The following CCDC88B variants were observed in gnomAD, a reference collection of about 807,000 sequenced individuals.
CCDC88B encodes the protein coiled-coil and HOOK domain protein 88B.
A neutral mutation model predicts 183.7 loss-of-function variants in CCDC88B; 138 were observed. The observed-to-expected ratio is 0.75, with a 90% CI of 0.65 to 0.87. The LOEUF (loss-of-function observed/expected upper bound fraction) is 0.87, where lower values mean the gene tolerates loss of function less well. CCDC88B is among the 40% of genes least tolerant of loss of function. CCDC88B has a pLI of 0.00. For missense variants in CCDC88B, 1,822 were observed against 1,965.6 expected (o/e 0.93, Z 1.38); for synonymous variants, 835 against 867.5 (o/e 0.96, Z 0.66).
In CCDC88B at chr11:64,357,285, A is replaced by G. The variant is rs1472772535; in HGVS notation, c.*191A>G. 1.1e-5 allele frequency: 8 copies of G among 755,052 alleles called. No individual in the cohort carries two copies. Among genetic ancestry groups the G allele is most frequent in the Non-Finnish European group, 1.9e-5 (8 of 418,838 alleles). 46.8% of individuals were successfully genotyped at this position (755,052 alleles called of 1,614,324 possible). Reference sequence around the variant, plus strand: ...ATGGAGCTGGGACGAGTGTGTGGACAGGGGGGATGGCTGGCCCCCACGAGC... The same window carrying G: ...ATGGAGCTGGGACGAGTGTGTGGACGGGGGGGATGGCTGGCCCCCACGAGC... On this transcript the variant is annotated 3_prime_UTR_variant, in exon 27 of 27. Transcript: ENST00000356786.
At chr11:64,353,920 A>G (rs2036440973) in intron 23 of CCDC88B, 84 bp from the exon 24 acceptor site, 16 of 1,571,064 alleles carry the variant, frequency 1.0e-5, no homozygotes, top group Non-Finnish European at 1.3e-5. Context: ...ATGAAGGTCA[A>G]CCTGGCCTTT....
chr11:64,353,155 C>T lies in CCDC88B; in HGVS notation c.3602C>T (p.Ala1201Val). Residue 1201 changes from alanine to valine, a missense_variant, in exon 21 of 27, where the codon GCA becomes GTA. By Grantham distance (64) the Ala-to-Val change is moderately conservative. Transcript: ENST00000356786. The part of the protein sequence containing the change: ...GRLARLELER[A>V]QLEMQSQQLR... ...CTGGCGCGGCTGGAGCTGGAGCGGG[C>T]ACAGCTGGAGATGCAGAGCCAGCAG... 4.4e-6 allele frequency: 7 copies of T among 1,591,264 alleles called. No homozygotes were observed. The highest frequency in any genetic ancestry group is 6.0e-6 in the Non-Finnish European group (7 of 1,170,234).
At chr11:64,354,694 C>CA (rs1411083884) in intron 24 of CCDC88B, among the ~76,000 whole-genome samples, 1 of 53,290 alleles carries the variant, frequency 1.9e-5, no homozygotes, top group Non-Finnish European at 4.6e-5. Context: ...AGCCTCCGCC[C>CA]CCCCCCTCTG....
chr11:64,343,293 C>T lies in CCDC88B; in HGVS notation c.1177C>T (p.Leu393=). The T allele has an allele frequency of 2.6e-6, 4 of 1,550,266 alleles. No homozygotes were observed. The highest frequency in any genetic ancestry group is 3.5e-6 in the Non-Finnish European group (4 of 1,146,834). ...GCACGAGACCCAGCGCGAGAACCTG[C>T]TGCTGCGAACCCGGCTGGGCGAGGC... is the stretch of plus-strand genomic sequence containing the variant. The part of the protein sequence containing the change: ...RLHETQRENL[L]LRTRLGEAHA... The change falls in exon 11 of 27, where the codon CTG becomes TTG. Residue 393 remains leucine (L), a synonymous_variant. Coordinates refer to ENST00000356786, the MANE Select transcript of CCDC88B (RefSeq NM_032251.6).
At chr11:64,346,417 C>G (rs1361758811) in intron 14 of CCDC88B, among the ~76,000 whole-genome samples, 1 of 151,878 alleles carries the variant, frequency 6.6e-6, no homozygotes, top group Non-Finnish European at 1.5e-5. Context: ...TACAGGCACA[C>G]ACCACCACGC....
chr11:64,342,890 A>G, intron 10 of CCDC88B: 1 of 390,688 alleles, frequency 2.6e-6, no homozygotes, highest in Non-Finnish European at 4.3e-6. Flanking sequence ...GGGGCTGTGT[A>G]AGTGATGCAG....
At position 64,340,679 on chromosome 11, in the gene CCDC88B, C is replaced by G. The variant is rs760919624; in HGVS notation, c.133C>G (p.Pro45Ala). ...GGAAGAAGAGGAAGAGGAGGAAGAG[C>G]CGCCCCTTTGGTTGGAGAAGAGATT... Reference protein sequence around the residue: ...EGEEEEEEEEPPLWLEKRFLR... With the variant: ...EGEEEEEEEEAPLWLEKRFLR... The change falls in exon 2 of 27, where the codon CCG becomes GCG. Residue 45 changes from proline (P) to alanine (A), a missense_variant. Pro to Ala is a conservative substitution (Grantham distance 27). Coordinates refer to ENST00000356786, the MANE Select transcript of CCDC88B (RefSeq NM_032251.6). 1.3e-4 allele frequency: 209 copies of G among 1,612,194 alleles called. No individual in the cohort carries two copies. Among genetic ancestry groups the G allele is most frequent in the Non-Finnish European group, 1.7e-4 (204 of 1,179,864 alleles).
rs749143423 is a variant in CCDC88B at position 64,352,336 on chromosome 11, C to T, written c.3306C>T (p.Leu1102=). Residue 1102 remains leucine (L), a synonymous_variant, in exon 19 of 27, where the codon CTC becomes CTT. Transcript: ENST00000356786. ...GACTGCTGGTGCGGCACCGAGACCTCAAGGCCAACATGCGGGCACTGGAGC... is the reference window on the plus strand; with the variant it reads ...GACTGCTGGTGCGGCACCGAGACCTTAAGGCCAACATGCGGGCACTGGAGC... ...LEGLLVRHRD[L]KANMRALELA... is the part of the protein sequence containing the mutation. 4.5e-6 allele frequency: 7 copies of T among 1,547,364 alleles called. No individual in the cohort carries two copies. Among genetic ancestry groups the T allele is most frequent in the African/African-American group, 1.4e-5 (1 of 73,094 alleles).
chr11:64,349,705 A>G (rs1228489584), intron 16 of CCDC88B, 37 bp downstream of exon 16: 1 of 1,536,836 alleles, frequency 6.5e-7, no homozygotes, highest in Admixed American at 1.9e-5. Flanking sequence ...GGGCCATGCC[A>G]CCCTGCCCTC....
At position 64,357,304 on chromosome 11, in the gene CCDC88B, C is replaced by G. The variant is rs751688868; in HGVS notation, c.*210C>G. ...GTGGACAGGGGGGATGGCTGGCCCC[C>G]ACGAGCAGCTCCAGGCTGGAGTTCT... On this transcript the variant is annotated 3_prime_UTR_variant, in exon 27 of 27. Coordinates refer to ENST00000356786, the MANE Select transcript of CCDC88B (RefSeq NM_032251.6). 1.4e-6 allele frequency: 1 copy of G among 729,222 alleles called. No homozygotes were observed. Among genetic ancestry groups the G allele is most frequent in the South Asian group, 1.5e-5 (1 of 68,056 alleles). 45.2% of individuals were successfully genotyped at this position (729,222 alleles called of 1,614,324 possible).
At position 64,357,188 on chromosome 11, in the gene CCDC88B, A is replaced by G; in HGVS notation, c.*94A>G. 6 of 1,469,680 alleles carry G rather than the reference A, an allele frequency of 4.1e-6. No individual in the cohort carries two copies. Among genetic ancestry groups the G allele is most frequent in the Non-Finnish European group, 5.7e-6 (6 of 1,049,258 alleles). The allele number at this position is 1,469,680 out of a possible 1,614,324, so 91.0% of individuals were successfully genotyped here. A position where few individuals can be genotyped will look rare whatever the true frequency, so the allele number is the denominator to read the frequency against. ...AGCCCAAGAGCTCAGGGAGCCAGGG[A>G]CCCCAAGGGGAGTCCTTGGACAAGG... On this transcript the variant is annotated 3_prime_UTR_variant, in exon 27 of 27. Transcript: ENST00000356786.
In CCDC88B at chr11:64,351,587, C is replaced by T. The variant is rs369212327; in HGVS notation, c.3070C>T (p.Arg1024Trp). ...RAQELLLQSQ[R>W]AQEHSSRLQA... ...CCAGGAGCTGCTGCTGCAGAGCCAG[C>T]GGGCGCAGGAGCACAGCAGCCGCCT... Residue 1024 changes from arginine (R) to tryptophan (W), a missense_variant, in exon 18 of 27, where the codon CGG becomes TGG. Arg to Trp is a moderately radical substitution (Grantham distance 101, BLOSUM62 -3). Transcript: ENST00000356786. 75 of 1,563,462 alleles carry T rather than the reference C, an allele frequency of 4.8e-5. No individual in the cohort carries two copies. The highest frequency in any genetic ancestry group is 4.3e-4 in the African/African-American group (32 of 74,030).
intron 2 of CCDC88B, 74 bp from the exon 3 acceptor site, chr11:64,340,833 G>A: frequency 6.5e-7 from 1 of 1,542,430 alleles, no homozygotes; most frequent in Non-Finnish European, 8.7e-7. Flanking sequence ...GATGCTCAGT[G>A]GGCGGGGCCT....
Position 64,351,464 on chromosome 11 carries a change from A to G in CCDC88B, c.2959-12A>G. 1 of 1,582,802 alleles carries G rather than the reference A, an allele frequency of 6.3e-7. No individual in the cohort carries two copies. The highest frequency in any genetic ancestry group is 8.5e-7 in the Non-Finnish European group (1 of 1,171,684). On this transcript the variant is annotated splice_polypyrimidine_tract_variant and intron_variant, in intron 17 of 26. Transcript: ENST00000356786. ...CGCCACCTGGCTATTGCTAACCCCCACTTCTGGGCAGAATGCGATGCTGGT... is the reference window on the plus strand; with the variant it reads ...CGCCACCTGGCTATTGCTAACCCCCGCTTCTGGGCAGAATGCGATGCTGGT...
intron 19 of CCDC88B, 131 bp from the exon 20 acceptor site, chr11:64,352,613 C>A: frequency 7.0e-7 from 1 of 1,433,726 alleles, no homozygotes; most frequent in Non-Finnish European, 9.4e-7. Context: ...GGCATTCTGC[C>A]CAATGGCTTC....
intron 26 of CCDC88B, 169 bp from the exon 27 acceptor site, chr11:64,356,870 A>AGCATTCTGGGCAGAGGGAACCGCT: frequency 1.6e-6 from 1 of 633,120 alleles, no homozygotes; most frequent in Non-Finnish European, 2.8e-6. Context: ...ACCTGAGAAC[A>AGCATTCTGGGCAGAGGGAACCGCT]GCATTCTGGG....
chr11:64,356,892 G>A (rs910227700), intron 26 of CCDC88B, 147 bp from the exon 27 acceptor site: 11 of 718,364 alleles, frequency 1.5e-5, no homozygotes, highest in African/African-American at 3.6e-5. Context: ...AGAGGGAACC[G>A]CTGAGGGAAC....
Position 64,345,120 on chromosome 11 carries a change from C to T in CCDC88B, c.2579C>T (p.Ala860Val), listed in dbSNP as rs1239646390. The change falls in exon 14 of 27, where the codon GCT becomes GTT. Residue 860 changes from alanine (A) to valine (V), a missense_variant. Physicochemically the swap from Ala to Val is moderately conservative, Grantham distance 64. Transcript: ENST00000356786. ...GAGGGCCGCCAGCACTTGGAGGAGGCTGAGAGGGAGCGCCGGGAGAAGGAG... is the reference window on the plus strand; with the variant it reads ...GAGGGCCGCCAGCACTTGGAGGAGGTTGAGAGGGAGCGCCGGGAGAAGGAG... Reference protein sequence around the residue: ...ESEGRQHLEEAERERREKEAL... With the variant: ...ESEGRQHLEEVERERREKEAL... 1 of 1,549,908 alleles carries T rather than the reference C, an allele frequency of 6.5e-7. No individual in the cohort carries two copies.
At chr11:64,340,572 C>A in intron 1 of CCDC88B, 35 bp from the exon 2 acceptor site, 1 of 1,593,162 alleles carries the variant, frequency 6.3e-7, no homozygotes, top group Middle Eastern at 2.0e-4. Flanking sequence ...AGGGTTCACT[C>A]TGCTGGTCGG....
Sources: gnomAD v4.1 joint callset for allele counts (sites outside exome capture counted in the v4.1 genomes callset) on GRCh38, gnomAD v4.1.1 for gene constraint, MANE v1.5 for transcripts, NCBI Gene and HGNC (gene_info 2026-07-23, HGNC 2026-07-21) for gene names.